The following NOTCH1 variants were observed in gnomAD, a reference collection of about 807,000 sequenced individuals.
NOTCH1 encodes the protein notch receptor 1, also known as neurogenic locus notch homolog protein 1.
NOTCH1 carries 37 observed loss-of-function variants against 254.8 expected under a neutral mutation model. The ratio of observed to expected loss-of-function variants is 0.15; its 90% CI spans 0.11 to 0.19. The LOEUF (loss-of-function observed/expected upper bound fraction) is 0.19, where lower values mean the gene tolerates loss of function less well. NOTCH1 is among the 10% of genes least tolerant of loss of function. NOTCH1 has a pLI of 1.00. For missense variants in NOTCH1, 2,972 were observed against 3,708.6 expected (o/e 0.80, Z 5.16); for synonymous variants, 1,731 against 1,618.1 (o/e 1.07, Z -1.68).
At chr9:136,526,627 A>G (rs1843464370) in intron 2 of NOTCH1, among the ~76,000 whole-genome samples, 1 of 152,218 alleles carries the variant, frequency 6.6e-6, no homozygotes, top group South Asian at 2.1e-4. Context: ...AGGTCACAGG[A>G]CATTGGCTGT....
At chr9:136,530,641 C>A (rs1402523429) in intron 2 of NOTCH1, among the ~76,000 whole-genome samples, 1 of 152,236 alleles carries the variant, frequency 6.6e-6, no homozygotes, top group Non-Finnish European at 1.5e-5. Context: ...CCACCTGCTG[C>A]TCCACTGCGG....
rs755029006 is a variant in NOTCH1, at chr9:136,497,155, C to G, written c.6584G>C (p.Gly2195Ala). The G allele has an allele frequency of 6.2e-7, 1 of 1,612,748 alleles. No individual in the cohort carries two copies. The highest frequency in any genetic ancestry group is 1.1e-5 in the South Asian group (1 of 91,092). ...CAGGGAGTCCACGGGCGAGAGCATG[C>G]CGGAGCTGTCCAGCAGGCAGCCCTT... ...DGKGCLLDSS[G>A]MLSPVDSLES... Residue 2195 changes from glycine to alanine, a missense_variant, in exon 34 of 34, where the codon GGC becomes GCC. Physicochemically the swap from Gly to Ala is moderately conservative, Grantham distance 60. This residue lies in a region of NOTCH1 where 529 missense variants were observed against 529.2 expected (regional missense o/e 1.00). Coordinates refer to ENST00000651671, the MANE Select transcript of NOTCH1 (RefSeq NM_017617.5).
At chr9:136,505,227 A>G (rs909318267) in intron 25 of NOTCH1, 83 bp downstream of exon 25, 47 of 1,526,070 alleles carry the variant, frequency 3.1e-5, no homozygotes, top group Non-Finnish European at 3.9e-5. Flanking sequence ...AGAGCCTTAG[A>G]ACTGCATGCT....
rs1037917036 is a variant in NOTCH1, at chr9:136,533,196, G to A, written c.141-9217C>T. The stretch of plus-strand genomic sequence containing the variant: ...GGGGAAGTAGGAGGGGCCACCCAGG[G>A]GCTGCACCCCGGGAGCTGGGACCAA... On this transcript the variant is annotated intron_variant, in intron 2 of 33. Transcript: ENST00000651671. Among the ~76,000 whole-genome samples the A allele has an allele frequency of 4.4e-5, 5 of 112,992 alleles. 1 individual carries two copies. Among genetic ancestry groups the A allele is most frequent in the Non-Finnish European group, 8.8e-5 (5 of 56,784 alleles). 74.1% of individuals were successfully genotyped at this position (112,992 alleles called of 152,430 possible).
At chr9:136,508,809 C>A in intron 19 of NOTCH1, 61 bp downstream of exon 19, 1 of 1,477,474 alleles carries the variant, frequency 6.8e-7, no homozygotes, top group Admixed American at 2.0e-5. Context: ...TTCCCACCTC[C>A]CGCAGGTAGG....
At chr9:136,511,347 C>A in intron 15 of NOTCH1, 76 bp from the exon 16 acceptor site, 1 of 1,520,680 alleles carries the variant, frequency 6.6e-7, no homozygotes, top group South Asian at 1.2e-5. Flanking sequence ...GCCTGCTGGT[C>A]TTTCCGCCAT....
chr9:136,503,115 G>C, intron 27 of NOTCH1, 67 bp downstream of exon 27: 2 of 1,605,802 alleles, frequency 1.2e-6, no homozygotes, highest in East Asian at 4.5e-5. Context: ...CAGCCAGCGT[G>C]TCTGGGGCAC....
chr9:136,524,364 G>A (rs1220887385), intron 2 of NOTCH1, among the ~76,000 whole-genome samples: 1 of 152,168 alleles, frequency 6.6e-6, no homozygotes, highest in Non-Finnish European at 1.5e-5. Context: ...AGACTAGGAT[G>A]TTCCAGCAGA....
Position 136,496,043 on chromosome 9 carries a change from G to A in NOTCH1, c.*28C>T, listed in dbSNP as rs1207172380. ...ACAGACGCCCGAAGGCTTGGGAAAG[G>A]AAGCCGGGGTCTCGTGGGGCGCGCC... is the stretch of plus-strand genomic sequence containing the variant. On this transcript the variant is annotated 3_prime_UTR_variant, in exon 34 of 34. Coordinates refer to ENST00000651671, the MANE Select transcript of NOTCH1 (RefSeq NM_017617.5). 6.3e-7 allele frequency: 1 copy of A among 1,585,054 alleles called. No individual in the cohort carries two copies. The highest frequency in any genetic ancestry group is 8.5e-7 in the Non-Finnish European group (1 of 1,173,228).
At chr9:136,541,220 C>T (rs1215817478) in intron 2 of NOTCH1, among the ~76,000 whole-genome samples, 1 of 152,190 alleles carries the variant, frequency 6.6e-6, no homozygotes, top group Non-Finnish European at 1.5e-5. Flanking sequence ...GACCAGGCCA[C>T]GGCGACACTC....
chr9:136,527,687 C>T (rs1843486796), intron 2 of NOTCH1, among the ~76,000 whole-genome samples: 1 of 152,222 alleles, frequency 6.6e-6, no homozygotes, highest in Non-Finnish European at 1.5e-5. Flanking sequence ...CCAGGTGTGC[C>T]CCCGTGGACT....
rs575930385 is a variant in NOTCH1, at chr9:136,507,167, A to C, written c.3643+138T>G. ...TGGGCCCTTTCCCTGGGCAGCTGTG[A>C]GTCGGCCTTGGCCTCACACAGGAAA... On this transcript the variant is annotated intron_variant, in intron 22 of 33. Transcript: ENST00000651671. 2.5e-5 allele frequency: 38 copies of C among 1,513,510 alleles called. No homozygotes were observed. The Admixed American group carries it at 2.6e-4, about 11-fold the overall frequency. 93.8% of individuals were successfully genotyped at this position (1,513,510 alleles called of 1,614,324 possible).
intron 2 of NOTCH1, among the ~76,000 whole-genome samples, chr9:136,535,126 G>A (rs965772807): frequency 7.1e-5 from 10 of 140,600 alleles, no homozygotes; most frequent in African/African-American, 2.4e-4. Flanking sequence ...TGAGGGAACC[G>A]CTGCCCCACC....
intron 3 of NOTCH1, 126 bp from the exon 4 acceptor site, chr9:136,523,314 T>C (rs1843405634): frequency 2.0e-6 from 2 of 1,000,608 alleles, no homozygotes; most frequent in Non-Finnish European, 3.0e-6. Context: ...CATTTGATCC[T>C]CAGGACCTGC....
Position 136,523,010 on chromosome 9 carries a change from G to C in NOTCH1, c.582C>G (p.Thr194=), listed in dbSNP as rs1421132905. 1.3e-6 allele frequency: 2 copies of C among 1,552,074 alleles called. No individual in the cohort carries two copies. Among genetic ancestry groups the C allele is most frequent in the South Asian group, 2.4e-5 (2 of 84,382 alleles). Residue 194 remains threonine (T), a synonymous_variant, in exon 4 of 34, where the codon ACC becomes ACG. Transcript: ENST00000651671. ...QKPGLCRHGG[T]CHNEVGSYRC... The stretch of plus-strand genomic sequence containing the variant: ...GGTAGGAGCCGACCTCGTTGTGGCA[G>C]GTGCCTCCGTGGCGGCAAAGCCCGG...
intron 27 of NOTCH1, 164 bp from the exon 28 acceptor site, chr9:136,502,652 A>G: frequency 5.2e-6 from 3 of 576,600 alleles, no homozygotes; most frequent in Non-Finnish European, 6.1e-6. Context: ...GCGATTAATC[A>G]GAATTGCAAA....
At chr9:136,544,950 C>G (rs1843791374) in intron 1 of NOTCH1, among the ~76,000 whole-genome samples, 2 of 152,274 alleles carry the variant, frequency 1.3e-5, no homozygotes, top group Non-Finnish European at 2.9e-5. Flanking sequence ...TGGAAGAGGA[C>G]AGATAATTCT....
chr9:136,502,824 A>T (rs775290245), intron 27 of NOTCH1: 3 of 562,316 alleles, frequency 5.3e-6, no homozygotes, highest in Non-Finnish European at 9.6e-6. Context: ...AAACTTCAAC[A>T]CTTCACATGA....
At chr9:136,527,327 C>T (rs773744948) in intron 2 of NOTCH1, among the ~76,000 whole-genome samples, 1 of 152,222 alleles carries the variant, frequency 6.6e-6, no homozygotes, top group African/African-American at 2.4e-5. Flanking sequence ...AAATCCTTCA[C>T]AGCTTTGGCG....
Sources: allele counts gnomAD v4.1 joint callset (sites outside exome capture counted in the v4.1 genomes callset), GRCh38; gene constraint gnomAD v4.1.1; regional missense constraint gnomAD v4.1.1; transcripts MANE v1.5; gene names NCBI Gene and HGNC (gene_info 2026-07-23, HGNC 2026-07-21).